The following HDAC9 variants were observed in gnomAD, a reference collection of about 807,000 sequenced individuals.
HDAC9 encodes the protein histone deacetylase 9.
Under a neutral mutation model 139.4 loss-of-function variants are expected in HDAC9, and 41 were observed. That is an observed-to-expected ratio of 0.29 (90% CI 0.23 to 0.38). The LOEUF (loss-of-function observed/expected upper bound fraction) is 0.38, where lower values mean the gene tolerates loss of function less well. Ranked by LOEUF, HDAC9 falls within the 10% of genes least tolerant of loss-of-function variation. HDAC9 has a pLI of 1.00. For missense variants in HDAC9, 1,147 were observed against 1,297.0 expected, an observed-to-expected ratio of 0.88 and a Z score of 1.78; for synonymous variants, 517 against 476.2, an observed-to-expected ratio of 1.09 and a Z score of -1.12.
At chr7:18,969,714 C>T (rs548452486) in intron 24 of HDAC9, among the ~76,000 whole-genome samples, 7 of 147,334 alleles carry the variant, frequency 4.8e-5, no homozygotes, top group African/African-American at 1.6e-4. Context: ...TTTAAAAGTC[C>T]GAACTTTGGA....
chr7:18,133,980 A>ATT (rs1256088263), intron 1 of HDAC9, among the ~76,000 whole-genome samples: 14 of 133,758 alleles, frequency 1.0e-4, no homozygotes, highest in African/African-American at 3.0e-4. Context: ...TCATCCATCT[A>ATT]TTTTTTTTTT....
At chr7:18,419,062 C>T (rs1283583015) in intron 1 of HDAC9, among the ~76,000 whole-genome samples, 1 of 152,080 alleles carries the variant, frequency 6.6e-6, no homozygotes. Context: ...ATGTCCTTTT[C>T]TTTACACCAT....
chr7:18,958,919 C>T (rs180957588), intron 24 of HDAC9, among the ~76,000 whole-genome samples: 13 of 152,216 alleles, frequency 8.5e-5, no homozygotes, highest in Admixed American at 7.2e-4. Flanking sequence ...GCCATTTCCA[C>T]GGGTAAGCTT....
intron 22 of HDAC9, among the ~76,000 whole-genome samples, chr7:18,896,490 A>G (rs1176822572): frequency 6.6e-6 from 1 of 152,096 alleles, no homozygotes; most frequent in Admixed American, 6.6e-5. Flanking sequence ...TCAGTAGCTT[A>G]GGGTCTATGG....
At chr7:18,525,622 C>T (rs1806585346) in intron 2 of HDAC9, among the ~76,000 whole-genome samples, 1 of 151,974 alleles carries the variant, frequency 6.6e-6, no homozygotes, top group African/African-American at 2.4e-5. Context: ...AGTCCTAGTT[C>T]CCAGTTTTTC....
intron 23 of HDAC9, among the ~76,000 whole-genome samples, chr7:18,937,030 ATTTTTTTT>A (rs768350029): frequency 3.3e-4 from 32 of 96,694 alleles, no homozygotes; most frequent in Non-Finnish European, 1.6e-4. Context: ...GCTCTTGTTA[ATTTTTTTT>A]TTTTTTTTTT....
chr7:18,100,510 A>C (rs1053677444), intron 1 of HDAC9, among the ~76,000 whole-genome samples: 1 of 151,906 alleles, frequency 6.6e-6, no homozygotes, highest in African/African-American at 2.4e-5. Context: ...CATTTTGAGT[A>C]GTTTCTATTG....
At chr7:18,174,684 T>C (rs1788734711) in intron 2 of HDAC9, among the ~76,000 whole-genome samples, 1 of 152,188 alleles carries the variant, frequency 6.6e-6, no homozygotes, top group Admixed American at 6.5e-5. Context: ...TTCTGTTTGT[T>C]AGTTTTCCTT....
At chr7:18,957,603 T>C (rs899351568) in intron 24 of HDAC9, among the ~76,000 whole-genome samples, 1 of 152,148 alleles carries the variant, frequency 6.6e-6, no homozygotes, top group African/African-American at 2.4e-5. Context: ...GTGTGAACTC[T>C]TCCTTGTTAA....
At chr7:18,551,147 A>G (rs997870501) in intron 2 of HDAC9, among the ~76,000 whole-genome samples, 1 of 152,242 alleles carries the variant, frequency 6.6e-6, no homozygotes, top group Admixed American at 6.5e-5. Context: ...GGATTTGGGC[A>G]TGAGCATCTG....
chr7:18,624,037 C>T (rs1157281471), intron 6 of HDAC9, among the ~76,000 whole-genome samples: 3 of 152,262 alleles, frequency 2.0e-5, no homozygotes, highest in East Asian at 1.9e-4. Context: ...TGTCTGCATG[C>T]ATGTGTATAC....
chr7:18,169,792 A>G (rs1259233728), intron 2 of HDAC9, among the ~76,000 whole-genome samples: 1 of 152,088 alleles, frequency 6.6e-6, no homozygotes, highest in Non-Finnish European at 1.5e-5. Flanking sequence ...ACATGAACTC[A>G]TCCTTTTTAT....
At chr7:18,118,018 C>A (rs1200325147) in intron 1 of HDAC9, among the ~76,000 whole-genome samples, 2 of 152,178 alleles carry the variant, frequency 1.3e-5, no homozygotes, top group African/African-American at 2.4e-5. Flanking sequence ...CTCTGAGTCT[C>A]ATTTGCCTTG....
chr7:18,605,547 G>C (rs1399371717), intron 6 of HDAC9, among the ~76,000 whole-genome samples: 1 of 152,036 alleles, frequency 6.6e-6, no homozygotes, highest in Non-Finnish European at 1.5e-5. Context: ...CCTCTCCCAC[G>C]CCTACTCCCT....
intron 1 of HDAC9, among the ~76,000 whole-genome samples, chr7:18,303,125 A>C (rs1276774605): frequency 6.6e-6 from 1 of 152,208 alleles, no homozygotes; most frequent in Non-Finnish European, 1.5e-5. Context: ...ATAAAGATTA[A>C]GTGTATAGTA....
chr7:18,866,492 C>T (rs908492954), intron 21 of HDAC9, among the ~76,000 whole-genome samples: 1 of 152,244 alleles, frequency 6.6e-6, no homozygotes, highest in African/African-American at 2.4e-5. Flanking sequence ...TCCTCTGTCC[C>T]TCAGTACACT....
intron 1 of HDAC9, among the ~76,000 whole-genome samples, chr7:18,146,429 A>G (rs897129257): frequency 6.6e-6 from 1 of 152,166 alleles, no homozygotes; most frequent in Non-Finnish European, 1.5e-5. Context: ...CAGGAAAACA[A>G]CAAAGGAAAA....
At chr7:18,939,743 G>A (rs11767043) in intron 23 of HDAC9, among the ~76,000 whole-genome samples, 29,448 of 152,072 alleles carry the variant, frequency 0.19, 3,031 homozygotes, top group South Asian at 0.26. Context: ...TTCAGATTGC[G>A]ATTTCAAATC....
chr7:18,559,157 T>C (rs1357129741), intron 2 of HDAC9, among the ~76,000 whole-genome samples: 1 of 152,172 alleles, frequency 6.6e-6, no homozygotes, highest in Non-Finnish European at 1.5e-5. Flanking sequence ...TGGACATTAG[T>C]CTGTACACCT....
Sources: allele counts gnomAD v4.1 joint callset (sites outside exome capture counted in the v4.1 genomes callset), GRCh38; gene constraint gnomAD v4.1.1; transcripts MANE v1.5; gene names NCBI Gene and HGNC (gene_info 2026-07-23, HGNC 2026-07-21).